The following CCDC73 variants were observed in gnomAD, a reference collection of about 807,000 sequenced individuals.
CCDC73 encodes the protein coiled-coil domain-containing protein 73.
Under a neutral mutation model 116.5 loss-of-function variants are expected in CCDC73, and 95 were observed. The ratio of observed to expected loss-of-function variants is 0.82; its 90% CI spans 0.69 to 0.97. The LOEUF (loss-of-function observed/expected upper bound fraction) is 0.97, where lower values mean the gene tolerates loss of function less well. CCDC73 is among the 50% of genes least tolerant of loss of function. The probability of loss-of-function intolerance (pLI) is 0.00; values close to 1 mark genes in which losing one functional copy is unlikely to be tolerated. For missense variants in CCDC73, 1,066 were observed against 1,206.8 expected (o/e 0.88, Z 1.73); for synonymous variants, 398 against 401.3 (o/e 0.99, Z 0.10).
chr11:32,641,917 T>C (rs1202826600), intron 13 of CCDC73, 55 bp downstream of exon 13: 1 of 1,201,234 alleles, frequency 8.3e-7, no homozygotes, highest in Non-Finnish European at 1.1e-6. Flanking sequence ...ATAGTTATTT[T>C]AAATGTCTAA....
intron 9 of CCDC73, among the ~76,000 whole-genome samples, chr11:32,666,299 A>G (rs1000280517): frequency 6.6e-6 from 1 of 152,180 alleles, no homozygotes; most frequent in African/African-American, 2.4e-5. Context: ...AGGTACACCA[A>G]CCAGGCATAG....
chr11:32,616,787 C>CA (rs1855478596), intron 14 of CCDC73, among the ~76,000 whole-genome samples: 1 of 152,170 alleles, frequency 6.6e-6, no homozygotes, highest in Non-Finnish European at 1.5e-5. Flanking sequence ...TCCCTGTCCT[C>CA]AAAAAACTTA....
At chr11:32,763,947 C>T (rs373827992) in intron 1 of CCDC73, among the ~76,000 whole-genome samples, 6 of 152,068 alleles carry the variant, frequency 3.9e-5, no homozygotes, top group Non-Finnish European at 8.8e-5. Context: ...AACCATGGCA[C>T]GAGAACTACA....
intron 17 of CCDC73, among the ~76,000 whole-genome samples, chr11:32,608,030 C>A (rs1195814534): frequency 1.3e-5 from 2 of 151,710 alleles, no homozygotes; most frequent in African/African-American, 4.9e-5. Flanking sequence ...CCGGCCCCCC[C>A]CACGATTCTA....
intron 7 of CCDC73, among the ~76,000 whole-genome samples, chr11:32,679,576 C>A (rs1243153616): frequency 6.6e-6 from 1 of 152,116 alleles, no homozygotes; most frequent in Non-Finnish European, 1.5e-5. Flanking sequence ...GTTGCCCAGG[C>A]TGGCCTCGAA....
chr11:32,752,880 G>A (rs1215486070), intron 2 of CCDC73, among the ~76,000 whole-genome samples: 1 of 152,150 alleles, frequency 6.6e-6, no homozygotes, highest in Non-Finnish European at 1.5e-5. Flanking sequence ...ACAGCTCACT[G>A]TAACCCCGAA....
chr11:32,759,755 T>C (rs1850375089), intron 2 of CCDC73, among the ~76,000 whole-genome samples: 1 of 152,236 alleles, frequency 6.6e-6, no homozygotes, highest in Non-Finnish European at 1.5e-5. Flanking sequence ...TAGGCATCTA[T>C]ATAATAACCT....
chr11:32,805,403 G>C, the CCDC73 span, among the ~76,000 whole-genome samples: 2 of 152,224 alleles, frequency 1.3e-5, no homozygotes, highest in South Asian at 2.1e-4. Flanking sequence ...AAATCCCTGT[G>C]ACATTAATAA....
chr11:32,717,783 A>T (rs138920473), intron 3 of CCDC73, among the ~76,000 whole-genome samples: 8,241 of 152,296 alleles, frequency 0.054, 289 homozygotes, highest in Non-Finnish European at 0.083. Context: ...ATTGACTCAC[A>T]GTTCAGCATG....
intron 17 of CCDC73, among the ~76,000 whole-genome samples, chr11:32,608,444 G>A (rs753227911): frequency 3.3e-5 from 5 of 152,174 alleles, no homozygotes; most frequent in East Asian, 3.9e-4. Context: ...GCCAGGTCAC[G>A]CTAATGCAAG....
chr11:32,662,935 T>C (rs1034256154), intron 9 of CCDC73, among the ~76,000 whole-genome samples: 11 of 152,228 alleles, frequency 7.2e-5, no homozygotes, highest in Non-Finnish European at 1.2e-4. Context: ...CACCATTTAC[T>C]GAATAGGGAA....
intron 2 of CCDC73, among the ~76,000 whole-genome samples, chr11:32,748,956 G>A (rs1347559872): frequency 6.6e-6 from 1 of 152,110 alleles, no homozygotes; most frequent in Non-Finnish European, 1.5e-5. Flanking sequence ...TTATCTTGAT[G>A]CTTTTAGGAA....
the CCDC73 span, among the ~76,000 whole-genome samples, chr11:32,810,704 C>G: frequency 1.5e-4 from 23 of 152,158 alleles, no homozygotes; most frequent in Non-Finnish European, 3.2e-4. Flanking sequence ...GAGCCACTAT[C>G]TTAGCAATGG....
At chr11:32,829,783 TG>T in the CCDC73 span, 3 of 985,330 alleles carry the variant, frequency 3.0e-6, no homozygotes, top group Non-Finnish European at 3.6e-6. Flanking sequence ...CGCCCGGGGA[TG>T]GGGCAGAAGC....
chr11:32,781,712 T>C (rs1458896394), intron 1 of CCDC73, among the ~76,000 whole-genome samples: 1 of 152,170 alleles, frequency 6.6e-6, no homozygotes, highest in African/African-American at 2.4e-5. Context: ...GTGGCTACTA[T>C]ATGGAAAAAT....
At chr11:32,610,855 T>C (rs1207448301) in intron 17 of CCDC73, among the ~76,000 whole-genome samples, 2 of 152,254 alleles carry the variant, frequency 1.3e-5, no homozygotes, top group Non-Finnish European at 2.9e-5. Context: ...AATACCACTA[T>C]TTCCAAATTT....
intron 7 of CCDC73, among the ~76,000 whole-genome samples, chr11:32,678,438 A>C (rs1488047866): frequency 6.6e-6 from 1 of 152,318 alleles, no homozygotes; most frequent in Non-Finnish European, 1.5e-5. Flanking sequence ...TATTTCACTC[A>C]TAAGGTTGCT....
At chr11:32,698,457 T>C (rs923398160) in intron 6 of CCDC73, among the ~76,000 whole-genome samples, 4 of 152,210 alleles carry the variant, frequency 2.6e-5, no homozygotes, top group African/African-American at 7.2e-5. Flanking sequence ...TGAAGTTCGG[T>C]CCTCCTTATT....
intron 2 of CCDC73, among the ~76,000 whole-genome samples, chr11:32,726,383 G>C (rs1850029845): frequency 6.6e-6 from 1 of 151,986 alleles, no homozygotes; most frequent in Non-Finnish European, 1.5e-5. Context: ...GGAAATATTA[G>C]AACTGAAAAA....
Sources: gnomAD v4.1 joint callset for allele counts (sites outside exome capture counted in the v4.1 genomes callset) on GRCh38, gnomAD v4.1.1 for gene constraint, MANE v1.5 for transcripts, NCBI Gene and HGNC (gene_info 2026-07-23, HGNC 2026-07-21) for gene names.